Variants in VXN observed in about 807,000 individuals in gnomAD.
VXN encodes the protein uncharacterized protein C8orf46.
VXN carries 7 observed loss-of-function variants against 23.1 expected under a neutral mutation model. The ratio of observed to expected loss-of-function variants is 0.30; its 90% confidence interval spans 0.17 to 0.57. The LOEUF (loss-of-function observed/expected upper bound fraction) is 0.57, where lower values mean the gene tolerates loss of function less well. Among genes scored for constraint, VXN ranks in the 20% least tolerant of loss-of-function variants. The pLI is 0.91. For synonymous variants in VXN, 120 were observed against 105.8 expected, an observed-to-expected ratio of 1.13 and a Z score of -0.83; for missense variants, 238 against 272.6, an observed-to-expected ratio of 0.87 and a Z score of 0.89.
chr8:66,498,679 A>G (rs1281608328), intron 2 of VXN: 2 of 330,416 alleles, frequency 6.1e-6, no homozygotes, highest in African/African-American at 4.3e-5. Context: ...GGGGTTGTCC[A>G]CAGAATGGAG....
chr8:66,511,071 G>A (rs1370477601), intron 4 of VXN, among the ~76,000 whole-genome samples: 4 of 152,160 alleles, frequency 2.6e-5, no homozygotes, highest in Non-Finnish European at 4.4e-5. Flanking sequence ...CTACAGCCAA[G>A]CCCACCTGAA....
intron 3 of VXN, among the ~76,000 whole-genome samples, chr8:66,506,781 T>C (rs1807764165): frequency 6.6e-6 from 1 of 152,172 alleles, no homozygotes; most frequent in South Asian, 2.1e-4. Flanking sequence ...TAAGAACTCA[T>C]ACATCAAGCT....
At chr8:66,501,602 T>C (rs1807692851) in intron 2 of VXN, among the ~76,000 whole-genome samples, 1 of 152,198 alleles carries the variant, frequency 6.6e-6, no homozygotes. Context: ...CCATATTCAG[T>C]CTTCCTCCAG....
chr8:66,513,240 G>C (rs748372230), intron 4 of VXN, among the ~76,000 whole-genome samples: 1 of 152,206 alleles, frequency 6.6e-6, no homozygotes, highest in African/African-American at 2.4e-5. Context: ...TCTCTCTCCT[G>C]AGTTTCTCTA....
At chr8:66,500,741 C>G (rs1484449243) in intron 2 of VXN, among the ~76,000 whole-genome samples, 1 of 152,074 alleles carries the variant, frequency 6.6e-6, no homozygotes, top group Non-Finnish European at 1.5e-5. Context: ...TCTGCCTGTA[C>G]CCAATATTTA....
chr8:66,515,833 A>G, intron 5 of VXN, 60 bp from the exon 6 acceptor site: 2 of 1,446,656 alleles, frequency 1.4e-6, no homozygotes, highest in East Asian at 2.5e-5. Flanking sequence ...CTTAAGGGCA[A>G]AAATGAAGTT....
intron 5 of VXN, among the ~76,000 whole-genome samples, chr8:66,514,496 C>T (rs894479686): frequency 2.4e-4 from 37 of 152,106 alleles, no homozygotes; most frequent in Admixed American, 2.0e-3. Context: ...AGTGCAGTGG[C>T]GCAATTTTGG....
At chr8:66,496,345 C>T in intron 1 of VXN, 92 bp from the exon 2 acceptor site, 1 of 1,236,984 alleles carries the variant, frequency 8.1e-7, no homozygotes, top group Non-Finnish European at 1.2e-6. Flanking sequence ...CCCTGCCTCG[C>T]CACAGATTCA....
At chr8:66,498,829 T>C (rs75030652) in intron 2 of VXN, 16,927 of 456,260 alleles carry the variant, frequency 0.037, 410 homozygotes, top group Non-Finnish European at 0.049. Flanking sequence ...TTACAGACTC[T>C]ACTTGACCAA....
At chr8:66,497,289 A>C (rs1807637826) in intron 2 of VXN, among the ~76,000 whole-genome samples, 1 of 152,216 alleles carries the variant, frequency 6.6e-6, no homozygotes, top group African/African-American at 2.4e-5. Context: ...CCTTCATCAA[A>C]TATTTGCATT....
chr8:66,510,784 T>C (rs1403960573), intron 4 of VXN, among the ~76,000 whole-genome samples: 1 of 152,178 alleles, frequency 6.6e-6, no homozygotes, highest in Non-Finnish European at 1.5e-5. Flanking sequence ...GGGAGATACC[T>C]GGCATCTCTT....
chr8:66,506,230 A>T (rs1481956539), intron 3 of VXN, among the ~76,000 whole-genome samples: 66 of 112,004 alleles, frequency 5.9e-4, no homozygotes, highest in African/African-American at 1.8e-3. Flanking sequence ...AGAGAGAGAG[A>T]CAGTGTGTGT....
In VXN at chr8:66,505,805, T is replaced by C. The variant is rs182637681; in HGVS notation, c.280+277T>C. ...AGATGCTCTTATCTAATCTTTTTTT[T>C]CTTTTCTTTCATTGAGACAGGGTCT... is the stretch of plus-strand genomic sequence containing the variant. On this transcript the variant is annotated intron_variant, in intron 3 of 5. Transcript: ENST00000305454. 1.2e-4 allele frequency among the ~76,000 whole-genome samples: 19 copies of C among 152,312 alleles called. No homozygotes were observed. The East Asian group carries it at 3.7e-3, about 29-fold the overall frequency.
chr8:66,517,160 A>T lies in VXN; in HGVS notation c.*1084A>T, dbSNP rs963813499. 1.3e-5 allele frequency: 2 copies of T among 152,394 alleles called. No homozygotes were observed. Among genetic ancestry groups the T allele is most frequent in the Middle Eastern group, 3.4e-3 (1 of 294 alleles). The allele number at this position is 152,394 out of a possible 1,614,324, so 9.4% of individuals were successfully genotyped here. A position where few individuals can be genotyped will look rare whatever the true frequency, so the allele number is the denominator to read the frequency against. ...TCAATTTCATATGGTTCAACCTCAT[A>T]TATGATACTATGCTTTTCTTCTATC... On this transcript the variant is annotated 3_prime_UTR_variant, in exon 6 of 6. Coordinates refer to ENST00000305454, the MANE Select transcript of VXN (RefSeq NM_152765.4).
At chr8:66,499,221 G>GTTTTTTTTT (rs759637693) in intron 2 of VXN, among the ~76,000 whole-genome samples, 1 of 109,668 alleles carries the variant, frequency 9.1e-6, no homozygotes, top group Non-Finnish European at 1.8e-5. Flanking sequence ...TATTGGGTTG[G>GTTTTTTTTT]TTTTTTTTTT....
At chr8:66,498,050 C>A (rs1006831539) in intron 2 of VXN, among the ~76,000 whole-genome samples, 8 of 152,022 alleles carry the variant, frequency 5.3e-5, no homozygotes, top group Non-Finnish European at 1.0e-4. Context: ...TGCCTGTAAT[C>A]CCAGCTACTC....
chr8:66,510,393 C>T, intron 4 of VXN: 1 of 461,078 alleles, frequency 2.2e-6, no homozygotes. Context: ...CGCTCTTAGG[C>T]AAACAAAAGA....
intron 2 of VXN, chr8:66,505,109 G>C (rs1807734627): frequency 1.7e-6 from 1 of 581,376 alleles, no homozygotes; most frequent in African/African-American, 1.8e-5. Context: ...TGAAGGGCCT[G>C]CTGTTGAGGA....
chr8:66,495,170 G>C (rs1807612123), intron 1 of VXN: 2 of 152,248 alleles, frequency 1.3e-5, no homozygotes, highest in South Asian at 4.1e-4. Context: ...TAGGGAAGGA[G>C]AATTAGGGAA....
Sources: allele counts gnomAD v4.1 joint callset (sites outside exome capture counted in the v4.1 genomes callset), GRCh38; gene constraint gnomAD v4.1.1; transcripts MANE v1.5; gene names NCBI Gene and HGNC (gene_info 2026-07-23, HGNC 2026-07-21).